IQCK: variants seen among roughly 807,000 people sequenced by gnomAD.
IQCK encodes the protein IQ motif containing K, also known as IQ domain-containing protein K.
A neutral mutation model predicts 28.1 loss-of-function variants in IQCK; 29 were observed. The observed-to-expected ratio is 1.03, with a 90% CI of 0.77 to 1.41. The LOEUF (loss-of-function observed/expected upper bound fraction) is 1.41, where lower values mean the gene tolerates loss of function less well. IQCK is among the 40% of genes most tolerant of loss of function. The pLI is 0.00. For synonymous variants in IQCK, 113 were observed against 115.1 expected, an observed-to-expected ratio of 0.98 and a Z score of 0.12; for missense variants, 359 against 314.7, an observed-to-expected ratio of 1.14 and a Z score of -1.07.
intron 6 of IQCK, among the ~76,000 whole-genome samples, chr16:19,783,519 C>T (rs2055520721): frequency 6.6e-6 from 1 of 151,842 alleles, no homozygotes; most frequent in Non-Finnish European, 1.5e-5. Context: ...CATCTCTCCC[C>T]TCCCTAGTTC....
intron 7 of IQCK, among the ~76,000 whole-genome samples, chr16:19,807,169 G>T (rs2055845063): frequency 6.6e-6 from 1 of 152,198 alleles, no homozygotes; most frequent in Admixed American, 6.5e-5. Flanking sequence ...AGAAACTGAG[G>T]CCTCTAGCCA....
intron 7 of IQCK, among the ~76,000 whole-genome samples, chr16:19,810,358 G>A (rs564728170): frequency 2.0e-5 from 3 of 152,040 alleles, no homozygotes; most frequent in Non-Finnish European, 4.4e-5. Flanking sequence ...TTAGCCGGGT[G>A]TGGTGGCGGG....
At chr16:19,755,738 T>G (rs780541322) in intron 4 of IQCK, among the ~76,000 whole-genome samples, 1 of 152,242 alleles carries the variant, frequency 6.6e-6, no homozygotes, top group Non-Finnish European at 1.5e-5. Flanking sequence ...CCATTTCTTT[T>G]ACCTTTACTG....
At chr16:19,763,995 A>C in intron 5 of IQCK, 40 bp from the exon 6 acceptor site, 1 of 1,602,574 alleles carries the variant, frequency 6.2e-7, no homozygotes, top group African/African-American at 1.3e-5. Context: ...ATTCTTGCTT[A>C]TTGTTTTCTT....
chr16:19,741,982 G>T (rs2054841991), intron 4 of IQCK, among the ~76,000 whole-genome samples: 3 of 152,144 alleles, frequency 2.0e-5, no homozygotes, highest in Admixed American at 6.5e-5. Flanking sequence ...GTGAGACTGA[G>T]TCTCAAAAAC....
At chr16:19,771,766 A>G (rs1444286785) in intron 6 of IQCK, among the ~76,000 whole-genome samples, 1 of 152,164 alleles carries the variant, frequency 6.6e-6, no homozygotes, top group African/African-American at 2.4e-5. Context: ...GAGTGAGAGA[A>G]AAATTGAGGT....
intron 9 of IQCK, among the ~76,000 whole-genome samples, chr16:19,839,562 A>G (rs545614139): frequency 6.6e-6 from 1 of 152,134 alleles, no homozygotes; most frequent in Non-Finnish European, 1.5e-5. Flanking sequence ...TATTTTGTTC[A>G]TTGCTCTGTC....
chr16:19,758,072 A>G (rs6497402), intron 4 of IQCK, among the ~76,000 whole-genome samples: 51,522 of 152,130 alleles, frequency 0.34, 13,541 homozygotes, highest in African/African-American at 0.74. Context: ...TCTCACAAAC[A>G]TAAGCATTTT....
intron 7 of IQCK, among the ~76,000 whole-genome samples, chr16:19,813,011 G>A (rs1310177246): frequency 6.6e-6 from 1 of 152,208 alleles, no homozygotes; most frequent in Non-Finnish European, 1.5e-5. Context: ...ATGGGTCTTG[G>A]GTGAAGCCCA....
chr16:19,786,795 A>AAGAG (rs755230072), intron 6 of IQCK, among the ~76,000 whole-genome samples: 16 of 99,016 alleles, frequency 1.6e-4, no homozygotes, highest in Non-Finnish European at 7.0e-5. Context: ...AAAAGAAAGA[A>AAGAG]AGAGAGAGAG....
intron 7 of IQCK, among the ~76,000 whole-genome samples, chr16:19,807,353 C>T (rs2055847120): frequency 6.6e-6 from 1 of 152,248 alleles, no homozygotes; most frequent in Admixed American, 6.5e-5. Flanking sequence ...CTTAAACCTG[C>T]CACGCCTGGG....
intron 1 of IQCK, among the ~76,000 whole-genome samples, chr16:19,729,981 C>A (rs775051710): frequency 2.0e-5 from 3 of 149,776 alleles, no homozygotes; most frequent in Non-Finnish European, 3.0e-5. Flanking sequence ...TAGATAGTCT[C>A]GCTCTTGTCT....
intron 7 of IQCK, among the ~76,000 whole-genome samples, chr16:19,814,963 T>C (rs566602105): frequency 9.9e-5 from 15 of 152,108 alleles, no homozygotes; most frequent in African/African-American, 3.4e-4. Context: ...AAATTTAGTT[T>C]TTTTGTAGAG....
intron 1 of IQCK, among the ~76,000 whole-genome samples, chr16:19,725,942 G>A (rs191188230): frequency 6.9e-6 from 1 of 145,278 alleles, no homozygotes; most frequent in Non-Finnish European, 1.5e-5. Context: ...TGGAGATGGA[G>A]TCTCACTCTG....
At chr16:19,807,402 C>A (rs2055847770) in intron 7 of IQCK, among the ~76,000 whole-genome samples, 1 of 152,218 alleles carries the variant, frequency 6.6e-6, no homozygotes, top group African/African-American at 2.4e-5. Context: ...AATACAATAA[C>A]TCAGGCTGCT....
At chr16:19,827,917 C>CT (rs879855746), downstream of IQCK, among the ~76,000 whole-genome samples, 120 of 146,324 alleles carry the variant, frequency 8.2e-4, 1 homozygote, top group South Asian at 1.1e-3. Context: ...CCGATATCTT[C>CT]TTTTTTTTTT....
At chr16:19,757,438 C>T (rs537802499) in intron 4 of IQCK, among the ~76,000 whole-genome samples, 55 of 152,274 alleles carry the variant, frequency 3.6e-4, no homozygotes, top group Non-Finnish European at 7.1e-4. Context: ...TTTGGGAGGC[C>T]GAGGCGGGTA....
chr16:19,769,943 G>A (rs2055296129), intron 6 of IQCK, among the ~76,000 whole-genome samples: 1 of 152,114 alleles, frequency 6.6e-6, no homozygotes, highest in African/African-American at 2.4e-5. Flanking sequence ...CTGAAATGGT[G>A]AGATTTGCTC....
At chr16:19,807,535 C>T (rs1245924993) in intron 7 of IQCK, among the ~76,000 whole-genome samples, 1 of 152,184 alleles carries the variant, frequency 6.6e-6, no homozygotes, top group Admixed American at 6.5e-5. Context: ...CAACTGGCAT[C>T]TGGTTGGCAT....
Sources: allele counts gnomAD v4.1 joint callset (sites outside exome capture counted in the v4.1 genomes callset), GRCh38; gene constraint gnomAD v4.1.1; transcripts MANE v1.5; gene names NCBI Gene and HGNC (gene_info 2026-07-23, HGNC 2026-07-21).